NCAM2: variants seen among roughly 807,000 people sequenced by gnomAD.
The protein encoded by NCAM2 is neural cell adhesion molecule 2, also known as N-CAM-2.
In NCAM2, 30 loss-of-function variants were observed where a neutral mutation model predicts 98.1. The observed-to-expected ratio is 0.31, with a 90% confidence interval of 0.23 to 0.41. The LOEUF (loss-of-function observed/expected upper bound fraction) is 0.41. Ranked by LOEUF, NCAM2 falls within the 10% of genes least tolerant of loss-of-function variation. The pLI is 1.00. For synonymous variants in NCAM2, 368 were observed against 342.4 expected, an observed-to-expected ratio of 1.07 and a Z score of -0.83; for missense variants, 867 against 1,005.8, an observed-to-expected ratio of 0.86 and a Z score of 1.87.
intron 15 of NCAM2, among the ~76,000 whole-genome samples, chr21:21,496,271 C>T (rs185423965): frequency 2.0e-5 from 3 of 151,970 alleles, no homozygotes; most frequent in East Asian, 1.9e-4. Flanking sequence ...ACGGCCTCAC[C>T]GGCATCTGTT....
rs1990081665 is a variant in NCAM2 at position 21,538,088 on chromosome 21, A to G, written c.*131A>G. 2 of 432,424 alleles carry G rather than the reference A, an allele frequency of 4.6e-6. No individual in the cohort carries two copies. The highest frequency in any genetic ancestry group is 4.4e-5 in the Admixed American group (1 of 22,982). The allele number at this position is 432,424 out of a possible 1,614,324, so 26.8% of individuals were successfully genotyped here. On this transcript the variant is annotated 3_prime_UTR_variant, in exon 18 of 18. Coordinates refer to ENST00000400546, the MANE Select transcript of NCAM2 (RefSeq NM_004540.5). Reference sequence around the variant, plus strand: ...CTTGGAATAGCTTGTACACATATACATATGATCAAATACTCCTGCCCATGA... The same window carrying G: ...CTTGGAATAGCTTGTACACATATACGTATGATCAAATACTCCTGCCCATGA...
At chr21:21,152,244 G>T (rs910554902) in intron 1 of NCAM2, among the ~76,000 whole-genome samples, 1 of 151,798 alleles carries the variant, frequency 6.6e-6, no homozygotes, top group Non-Finnish European at 1.5e-5. Context: ...TTTAGATTTT[G>T]TACTTATAGC....
chr21:21,357,993 G>A (rs535953410), intron 8 of NCAM2, among the ~76,000 whole-genome samples: 4 of 152,114 alleles, frequency 2.6e-5, no homozygotes, highest in Non-Finnish European at 4.4e-5. Flanking sequence ...ACATCAACAG[G>A]GTTGTAATTA....
Position 21,537,734 on chromosome 21 carries a change from A to G in NCAM2, c.2403-112A>G, listed in dbSNP as rs556634837. 5.6e-5 allele frequency: 27 copies of G among 485,998 alleles called. No homozygotes were observed. The South Asian group carries it at 1.1e-3, about 20-fold the overall frequency. 30.1% of individuals were successfully genotyped at this position (485,998 alleles called of 1,614,324 possible). A position where few individuals can be genotyped will look rare whatever the true frequency, so the allele number is the denominator to read the frequency against. On this transcript the variant is annotated intron_variant, in intron 17 of 17. Transcript: ENST00000400546. ...ATAGTAACTTATTTAGCATATATAA[A>G]ATGTTAGCATATTATTGGAGCATAT...
chr21:21,177,016 T>A (rs577448630), intron 1 of NCAM2, among the ~76,000 whole-genome samples: 1 of 152,242 alleles, frequency 6.6e-6, no homozygotes, highest in East Asian at 1.9e-4. Flanking sequence ...CTTAGAACAT[T>A]TATAGTTACT....
intron 15 of NCAM2, among the ~76,000 whole-genome samples, chr21:21,500,166 T>G (rs1987534722): frequency 6.6e-6 from 1 of 152,132 alleles, no homozygotes; most frequent in Admixed American, 6.6e-5. Context: ...GTGCTGTTTA[T>G]TTTTTTAAAT....
rs771872784 is a variant in NCAM2, at chr21:21,280,595, A to G, written c.73A>G (p.Ile25Val). Residue 25 changes from isoleucine (I) to valine (V), a missense_variant, in exon 2 of 18, where the codon ATT becomes GTT. By Grantham distance (29) the Ile-to-Val change is conservative (BLOSUM62 3). Around this residue, in one of 5 missense-constraint regions of NCAM2, gnomAD observed 447 missense variants for 495.7 expected, o/e 0.90. Coordinates refer to ENST00000400546, the MANE Select transcript of NCAM2 (RefSeq NM_004540.5). ...TTTTTCAGCTCTTCTTCAAGTGACA[A>G]TTTCACTTAGCAAAGTAGAGCTTAG... ...SSGQALLQVT[I>V]SLSKVELSVG... 23 of 1,597,764 alleles carry G rather than the reference A, an allele frequency of 1.4e-5. No individual in the cohort carries two copies. The highest frequency in any genetic ancestry group is 1.2e-4 in the Admixed American group (7 of 57,396).
chr21:21,265,740 G>C (rs1480642680), intron 1 of NCAM2, among the ~76,000 whole-genome samples: 1 of 151,702 alleles, frequency 6.6e-6, no homozygotes, highest in South Asian at 2.1e-4. Flanking sequence ...GTGGACATTG[G>C]GGACTTCAAA....
rs185696300 is a variant in NCAM2 at position 21,321,598 on chromosome 21, A to G, written c.620-2785A>G. Among the ~76,000 whole-genome samples the G allele has an allele frequency of 2.0e-5, 3 of 152,206 alleles. No individual in the cohort carries two copies. The East Asian group carries it at 5.8e-4, about 29-fold the overall frequency. On this transcript the variant is annotated intron_variant, in intron 5 of 17. Transcript: ENST00000400546. The stretch of plus-strand genomic sequence containing the variant: ...CATCTTAAGTTAATCTTTGTGTATG[A>G]TGAAAGATAGTGGTCCAGTTGAATT...
chr21:21,388,780 C>A (rs1383917598), intron 9 of NCAM2, among the ~76,000 whole-genome samples: 1 of 152,038 alleles, frequency 6.6e-6, no homozygotes, highest in Non-Finnish European at 1.5e-5. Context: ...AATCTAAATG[C>A]AGAAGAGGCT....
intron 16 of NCAM2, among the ~76,000 whole-genome samples, chr21:21,522,321 A>T (rs1428520366): frequency 2.0e-5 from 3 of 149,590 alleles, no homozygotes; most frequent in Non-Finnish European, 1.5e-5. Flanking sequence ...TATATTCCTT[A>T]TCTATATAGA....
intron 1 of NCAM2, among the ~76,000 whole-genome samples, chr21:21,261,444 G>A (rs2071895400): frequency 6.6e-6 from 1 of 152,046 alleles, no homozygotes; most frequent in South Asian, 2.1e-4. Context: ...CCACATGCTT[G>A]GTAATCAAGC....
chr21:21,352,041 T>G (rs185619027), intron 8 of NCAM2, among the ~76,000 whole-genome samples: 75 of 152,084 alleles, frequency 4.9e-4, no homozygotes, highest in Non-Finnish European at 8.2e-4. Flanking sequence ...CTCATCTGTT[T>G]TTGAATCAAA....
At chr21:21,409,848 C>T (rs79144649) in intron 9 of NCAM2, among the ~76,000 whole-genome samples, 1 of 152,152 alleles carries the variant, frequency 6.6e-6, no homozygotes, top group Non-Finnish European at 1.5e-5. Flanking sequence ...CGGTGGCTCA[C>T]GCCTGTAATT....
chr21:21,169,692 T>A (rs919515187), intron 1 of NCAM2, among the ~76,000 whole-genome samples: 4 of 152,174 alleles, frequency 2.6e-5, no homozygotes, highest in Non-Finnish European at 5.9e-5. Flanking sequence ...CTCATGCCGG[T>A]AATCCCAGCA....
chr21:21,308,293 C>G lies in NCAM2; in HGVS notation c.619+16052C>G, dbSNP rs1363254595. Among the ~76,000 whole-genome samples the G allele has an allele frequency of 3.3e-5, 5 of 152,068 alleles. No homozygotes were observed. The East Asian group carries it at 7.7e-4, about 23-fold the overall frequency. On this transcript the variant is annotated intron_variant, in intron 5 of 17. Coordinates refer to ENST00000400546, the MANE Select transcript of NCAM2 (RefSeq NM_004540.5). ...GCTTGAATGACTTCCTTTAGCATTT[C>G]TTGTAGTGCACTTCTGTTGTTAATG... is the stretch of plus-strand genomic sequence containing the variant.
intron 1 of NCAM2, among the ~76,000 whole-genome samples, chr21:21,076,097 A>T (rs1014457856): frequency 6.7e-6 from 1 of 149,562 alleles, no homozygotes; most frequent in Non-Finnish European, 1.5e-5. Context: ...AGCCTGAGCG[A>T]CAGAGTGAGA....
At chr21:21,493,923 A>G (rs889840084) in intron 15 of NCAM2, among the ~76,000 whole-genome samples, 4 of 152,002 alleles carry the variant, frequency 2.6e-5, no homozygotes, top group Non-Finnish European at 4.4e-5. Context: ...CAGATGCATT[A>G]TATAATAATA....
intron 8 of NCAM2, among the ~76,000 whole-genome samples, chr21:21,355,531 AGGGAGG>A (rs2075452798): frequency 1.1e-5 from 1 of 92,760 alleles, no homozygotes. Flanking sequence ...GGGAGGAGGG[AGGGAGG>A]GAGAGAGGGA....
Sources: allele counts gnomAD v4.1 joint callset (sites outside exome capture counted in the v4.1 genomes callset), GRCh38; gene constraint gnomAD v4.1.1; regional missense constraint gnomAD v4.1.1; transcripts MANE v1.5; gene names NCBI Gene and HGNC (gene_info 2026-07-23, HGNC 2026-07-21).